The following NKAIN3 variants were observed in gnomAD, a reference collection of about 807,000 sequenced individuals.
NKAIN3 encodes the protein sodium/potassium transporting ATPase interacting 3.
In NKAIN3, 25 loss-of-function variants were observed where a neutral mutation model predicts 30.2. The observed-to-expected ratio is 0.83, with a 90% CI of 0.60 to 1.16. The LOEUF is 1.16. Ranked by LOEUF, NKAIN3 falls within the 50% of genes most tolerant of loss-of-function variation. The probability of loss-of-function intolerance (pLI) is 0.00; values close to 1 mark genes in which losing one functional copy is unlikely to be tolerated. For synonymous variants in NKAIN3, 91 were observed against 89.6 expected (o/e 1.02, Z -0.09); for missense variants, 225 against 254.1 (o/e 0.89, Z 0.78).
At chr8:62,689,818 C>A (rs571382360) in intron 3 of NKAIN3, among the ~76,000 whole-genome samples, 3 of 151,800 alleles carry the variant, frequency 2.0e-5, no homozygotes, top group Non-Finnish European at 4.4e-5. Context: ...ATGAGTTTCC[C>A]AATAAAGAAA....
chr8:62,254,292 G>T (rs547628348), intron 1 of NKAIN3, among the ~76,000 whole-genome samples: 50 of 152,008 alleles, frequency 3.3e-4, no homozygotes, highest in Non-Finnish European at 6.3e-4. Context: ...TCAGGTACAT[G>T]AGTGTGGAAC....
At chr8:62,487,870 T>C (rs1300911497) in intron 1 of NKAIN3, among the ~76,000 whole-genome samples, 2 of 152,174 alleles carry the variant, frequency 1.3e-5, no homozygotes, top group Non-Finnish European at 2.9e-5. Flanking sequence ...CAAGTAGAGT[T>C]TGGGGTAGTA....
chr8:62,551,983 A>G (rs1809229326), intron 1 of NKAIN3, among the ~76,000 whole-genome samples: 1 of 152,218 alleles, frequency 6.6e-6, no homozygotes, highest in Non-Finnish European at 1.5e-5. Flanking sequence ...AAAGTCATTA[A>G]AAATGTGGGC....
At chr8:62,824,036 A>G (rs1818940980) in intron 4 of NKAIN3, among the ~76,000 whole-genome samples, 1 of 152,186 alleles carries the variant, frequency 6.6e-6, no homozygotes, top group Non-Finnish European at 1.5e-5. Context: ...CTTAACAAAG[A>G]CATCAGGCAA....
chr8:62,367,459 G>A (rs1816770336), intron 1 of NKAIN3, among the ~76,000 whole-genome samples: 1 of 152,078 alleles, frequency 6.6e-6, no homozygotes, highest in Admixed American at 6.6e-5. Flanking sequence ...ATAGAACAAA[G>A]GACAGAAACC....
Position 62,984,875 on chromosome 8 carries a change from C to T in NKAIN3, c.*19468C>T, listed in dbSNP as rs1203187450. Reference sequence around the variant, plus strand: ...AGCAGTAATAGACTATTCTTTTCAACTATGAATAAAAATGTACACTGAAGT... The same window carrying T: ...AGCAGTAATAGACTATTCTTTTCAATTATGAATAAAAATGTACACTGAAGT... On this transcript the variant is annotated 3_prime_UTR_variant, in exon 7 of 7. Transcript: ENST00000623646. 6.6e-6 allele frequency: 1 copy of T among 152,106 alleles called. No homozygotes were observed. The highest frequency in any genetic ancestry group is 1.5e-5 in the Non-Finnish European group (1 of 68,026). The allele number at this position is 152,106 out of a possible 1,614,324, so 9.4% of individuals were successfully genotyped here. A position where few individuals can be genotyped will look rare whatever the true frequency, so the allele number is the denominator to read the frequency against.
chr8:62,681,091 C>T (rs1384680729), intron 3 of NKAIN3, among the ~76,000 whole-genome samples: 2 of 152,122 alleles, frequency 1.3e-5, no homozygotes, highest in South Asian at 2.1e-4. Flanking sequence ...CATGCCATAC[C>T]ACACCTGAAT....
At chr8:62,715,663 G>C (rs1483815059) in intron 3 of NKAIN3, among the ~76,000 whole-genome samples, 9 of 152,192 alleles carry the variant, frequency 5.9e-5, no homozygotes, top group African/African-American at 4.8e-5. Context: ...AGATACATTT[G>C]TTGTTGTCAT....
rs191520420 is a variant in NKAIN3 at position 62,335,411 on chromosome 8, G to C, written c.54+86284G>C. Reference sequence around the variant, plus strand: ...GCCACTGCACTCCAGCCTGGGTGACGGAGTAAGTGAGACTCTGTCTCAAAA... The same window carrying C: ...GCCACTGCACTCCAGCCTGGGTGACCGAGTAAGTGAGACTCTGTCTCAAAA... On this transcript the variant is annotated intron_variant, in intron 1 of 6. Transcript: ENST00000623646. 3.5e-3 allele frequency among the ~76,000 whole-genome samples: 495 copies of C among 141,190 alleles called. 3 individuals are homozygous for C. Among genetic ancestry groups the C allele is most frequent in the African/African-American group, 0.012 (452 of 37,566 alleles). The allele number at this position is 141,190 out of a possible 152,430, so 92.6% of individuals were successfully genotyped here.
chr8:62,779,183 G>C (rs1170593316), intron 4 of NKAIN3, among the ~76,000 whole-genome samples: 1 of 152,060 alleles, frequency 6.6e-6, no homozygotes, highest in Non-Finnish European at 1.5e-5. Flanking sequence ...TGGTGGGGAG[G>C]GGTGACACAA....
At chr8:62,827,679 A>T (rs1819068726) in intron 4 of NKAIN3, among the ~76,000 whole-genome samples, 1 of 152,138 alleles carries the variant, frequency 6.6e-6, no homozygotes, top group South Asian at 2.1e-4. Context: ...CAAACTTAAA[A>T]ATATATATAT....
chr8:62,470,912 C>T (rs1028137006), intron 1 of NKAIN3, among the ~76,000 whole-genome samples: 2 of 151,416 alleles, frequency 1.3e-5, no homozygotes, highest in African/African-American at 4.9e-5. Context: ...GCATTGATAG[C>T]ATCCCACTGA....
intron 1 of NKAIN3, among the ~76,000 whole-genome samples, chr8:62,312,527 G>A (rs923118669): frequency 2.7e-5 from 4 of 150,490 alleles, no homozygotes; most frequent in Admixed American, 6.6e-5. Flanking sequence ...AATTTAAAAG[G>A]TGTGGTGGGG....
chr8:62,519,542 T>C (rs1357671105), intron 1 of NKAIN3, among the ~76,000 whole-genome samples: 1 of 152,078 alleles, frequency 6.6e-6, no homozygotes. Context: ...CTGAAGGAGA[T>C]TCAAAGAAGA....
chr8:62,608,919 C>T (rs1811205279), intron 3 of NKAIN3, among the ~76,000 whole-genome samples: 1 of 151,996 alleles, frequency 6.6e-6, no homozygotes, highest in Non-Finnish European at 1.5e-5. Context: ...ACAATAAAAT[C>T]ATGGTTTTCT....
intron 1 of NKAIN3, among the ~76,000 whole-genome samples, chr8:62,467,652 T>G (rs911114902): frequency 6.6e-6 from 1 of 152,182 alleles, no homozygotes; most frequent in Non-Finnish European, 1.5e-5. Flanking sequence ...TAGGTTGTGT[T>G]TATGTCCTTT....
chr8:62,266,767 C>T (rs1812619863), intron 1 of NKAIN3, among the ~76,000 whole-genome samples: 1 of 152,212 alleles, frequency 6.6e-6, no homozygotes, highest in Non-Finnish European at 1.5e-5. Context: ...CCGGAAGTTA[C>T]TGCCCCTTTC....
intron 4 of NKAIN3, among the ~76,000 whole-genome samples, chr8:62,782,817 A>G (rs1817393349): frequency 6.6e-6 from 1 of 150,716 alleles, no homozygotes; most frequent in Non-Finnish European, 1.5e-5. Flanking sequence ...GAAAAATGAA[A>G]AGAAGTTGGC....
At chr8:62,250,026 CTTCAGACAGA>C (rs1812050437) in intron 1 of NKAIN3, among the ~76,000 whole-genome samples, 2 of 152,196 alleles carry the variant, frequency 1.3e-5, no homozygotes, top group South Asian at 4.1e-4. Flanking sequence ...TTGCGTTATA[CTTCAGACAGA>C]TTCTGAGTGC....
Sources: allele counts gnomAD v4.1 joint callset (sites outside exome capture counted in the v4.1 genomes callset), GRCh38; gene constraint gnomAD v4.1.1; transcripts MANE v1.5; gene names NCBI Gene and HGNC (gene_info 2026-07-23, HGNC 2026-07-21).